LHFPL3: variants seen among roughly 807,000 people sequenced by gnomAD.
The protein encoded by LHFPL3 is LHFPL tetraspan subfamily member 3, also known as LHFPL tetraspan subfamily member 3 protein.
Under a neutral mutation model 19.3 loss-of-function variants are expected in LHFPL3, and 5 were observed. That is an observed-to-expected ratio of 0.26 (90% confidence interval 0.14 to 0.54). The LOEUF is 0.54. Ranked by LOEUF, LHFPL3 falls within the 20% of genes least tolerant of loss-of-function variation. The probability of loss-of-function intolerance (pLI) is 0.94; values close to 1 mark genes in which losing one functional copy is unlikely to be tolerated. For missense variants in LHFPL3, 249 were observed against 307.4 expected, an observed-to-expected ratio of 0.81 and a Z score of 1.42; for synonymous variants, 133 against 126.2, an observed-to-expected ratio of 1.05 and a Z score of -0.36.
chr7:104,885,525 T>TAC (rs139283271), intron 2 of LHFPL3, among the ~76,000 whole-genome samples: 73 of 151,618 alleles, frequency 4.8e-4, no homozygotes, highest in African/African-American at 1.2e-3. Context: ...TTCTCTCAGA[T>TAC]ACACACACAC....
intron 1 of LHFPL3, among the ~76,000 whole-genome samples, chr7:104,670,336 T>C (rs1792453232): frequency 6.6e-6 from 1 of 152,204 alleles, no homozygotes; most frequent in Admixed American, 6.5e-5. Flanking sequence ...GGTTATTTCC[T>C]GGAGCCGGAA....
intron 1 of LHFPL3, among the ~76,000 whole-genome samples, chr7:104,517,649 GGC>G (rs1233511843): frequency 1.3e-5 from 2 of 151,832 alleles, no homozygotes; most frequent in Non-Finnish European, 2.9e-5. Context: ...TGGGCTTACA[GGC>G]GCCCACCACC....
chr7:104,747,019 A>G (rs1439738384), intron 2 of LHFPL3, among the ~76,000 whole-genome samples: 3 of 152,158 alleles, frequency 2.0e-5, no homozygotes, highest in Non-Finnish European at 4.4e-5. Flanking sequence ...CTTTACAAAT[A>G]TTTTTAAATA....
At chr7:104,428,483 T>G (rs1179830266) in intron 1 of LHFPL3, among the ~76,000 whole-genome samples, 1 of 149,240 alleles carries the variant, frequency 6.7e-6, no homozygotes. Flanking sequence ...AATATATAAC[T>G]ATGTGTAGTT....
chr7:104,723,080 A>C (rs896783207), intron 1 of LHFPL3, among the ~76,000 whole-genome samples: 1 of 152,118 alleles, frequency 6.6e-6, no homozygotes, highest in African/African-American at 2.4e-5. Context: ...CCCAATTACA[A>C]AGGTTTGTGG....
At chr7:104,875,456 C>T (rs1791920083) in intron 2 of LHFPL3, among the ~76,000 whole-genome samples, 1 of 152,152 alleles carries the variant, frequency 6.6e-6, no homozygotes, top group Non-Finnish European at 1.5e-5. Flanking sequence ...AGTCTTGACT[C>T]CAGGCAGGTT....
At chr7:104,466,143 G>A (rs1792780096) in intron 1 of LHFPL3, among the ~76,000 whole-genome samples, 5 of 152,168 alleles carry the variant, frequency 3.3e-5, no homozygotes. Context: ...TCAATGATCT[G>A]TCTAATACTT....
At chr7:104,415,103 T>G (rs760599901) in intron 1 of LHFPL3, among the ~76,000 whole-genome samples, 15 of 152,198 alleles carry the variant, frequency 9.9e-5, no homozygotes, top group Non-Finnish European at 1.5e-4. Context: ...CTTAGGTTGG[T>G]CTGAGCAGAA....
chr7:104,541,147 C>CACACAA (rs1794479320), intron 1 of LHFPL3, among the ~76,000 whole-genome samples: 1 of 145,058 alleles, frequency 6.9e-6, no homozygotes, highest in Non-Finnish European at 1.5e-5. Context: ...CACACACACA[C>CACACAA]AACCCTGTGG....
At chr7:104,550,372 G>C (rs1343241409) in intron 1 of LHFPL3, among the ~76,000 whole-genome samples, 1 of 152,234 alleles carries the variant, frequency 6.6e-6, no homozygotes, top group East Asian at 1.9e-4. Context: ...ATAGAGAGTG[G>C]GATGGGGCTG....
chr7:104,736,780 G>A lies in LHFPL3; in HGVS notation c.551G>A (p.Cys184Tyr). Reference protein sequence around the residue: ...EKTDKYTLGACSVRWAYILAI... With the variant: ...EKTDKYTLGAYSVRWAYILAI... The stretch of plus-strand genomic sequence containing the variant: ...ACAGACAAGTACACTCTTGGGGCTT[G>A]CTCAGTCCGCTGGGCATACATCCTG... The change falls in exon 2 of 3, where the codon TGC (cysteine) becomes TAC (tyrosine). Residue 184 changes from cysteine to tyrosine, a missense_variant. Transcript: ENST00000424859. 1 of 1,613,596 alleles carries A rather than the reference G, an allele frequency of 6.2e-7. No individual in the cohort carries two copies. Among genetic ancestry groups the A allele is most frequent in the Non-Finnish European group, 8.5e-7 (1 of 1,179,784 alleles).
chr7:104,339,134 G>A (rs1211305794), intron 1 of LHFPL3, among the ~76,000 whole-genome samples: 13 of 152,082 alleles, frequency 8.5e-5, no homozygotes. Context: ...TGTAATCCCA[G>A]CTACTCGGGA....
intron 1 of LHFPL3, among the ~76,000 whole-genome samples, chr7:104,500,573 T>C (rs746844719): frequency 2.0e-5 from 3 of 152,154 alleles, no homozygotes; most frequent in African/African-American, 4.8e-5. Context: ...ACTCATCTCC[T>C]CTCTCCCAGT....
At chr7:104,651,603 G>A (rs1196161935) in intron 1 of LHFPL3, among the ~76,000 whole-genome samples, 1 of 152,244 alleles carries the variant, frequency 6.6e-6, no homozygotes, top group Non-Finnish European at 1.5e-5. Flanking sequence ...AAGAGATCCA[G>A]CATCATAATT....
chr7:104,557,275 T>A (rs1481173151), intron 1 of LHFPL3, among the ~76,000 whole-genome samples: 1 of 152,118 alleles, frequency 6.6e-6, no homozygotes, highest in African/African-American at 2.4e-5. Flanking sequence ...TACCCAAAAC[T>A]GAGAAGAAAA....
At chr7:104,555,510 C>T (rs912818837) in intron 1 of LHFPL3, among the ~76,000 whole-genome samples, 1 of 152,222 alleles carries the variant, frequency 6.6e-6, no homozygotes, top group Non-Finnish European at 1.5e-5. Flanking sequence ...CATCAGATCT[C>T]ATGAGACTCA....
At chr7:104,805,489 G>A (rs894035083) in intron 2 of LHFPL3, among the ~76,000 whole-genome samples, 69 of 152,316 alleles carry the variant, frequency 4.5e-4, no homozygotes, top group Non-Finnish European at 1.9e-4. Context: ...GGAAGTTGCC[G>A]TGAATGGCCA....
chr7:104,367,288 G>A (rs1484025644), intron 1 of LHFPL3, among the ~76,000 whole-genome samples: 2 of 152,184 alleles, frequency 1.3e-5, no homozygotes, highest in Admixed American at 1.3e-4. Context: ...GAATGACTTA[G>A]GGGTTGAGTT....
chr7:104,630,780 A>G (rs1014286260), intron 1 of LHFPL3, among the ~76,000 whole-genome samples: 1 of 152,144 alleles, frequency 6.6e-6, no homozygotes, highest in Non-Finnish European at 1.5e-5. Context: ...ATAAGAGGAC[A>G]CTGGAGCAAC....
Sources: gnomAD v4.1 joint callset for allele counts (sites outside exome capture counted in the v4.1 genomes callset) on GRCh38, gnomAD v4.1.1 for gene constraint, MANE v1.5 for transcripts, NCBI Gene and HGNC (gene_info 2026-07-23, HGNC 2026-07-21) for gene names.